NEO1: variants seen among roughly 807,000 people sequenced by gnomAD.
The protein encoded by NEO1 is neogenin 1, also known as neogenin.
In NEO1, 63 loss-of-function variants were observed where a neutral mutation model predicts 159.7. The ratio of observed to expected loss-of-function variants is 0.39; its 90% confidence interval spans 0.32 to 0.49. The LOEUF is 0.49. Among genes scored for constraint, NEO1 ranks in the 20% least tolerant of loss-of-function variants. NEO1 has a pLI of 0.85. For missense variants in NEO1, 1,615 were observed against 1,831.0 expected (o/e 0.88, Z 2.15); for synonymous variants, 633 against 662.0 (o/e 0.96, Z 0.67).
chr15:73,242,708 A>G (rs1443839261), intron 8 of NEO1, among the ~76,000 whole-genome samples: 1 of 152,168 alleles, frequency 6.6e-6, no homozygotes, highest in Non-Finnish European at 1.5e-5. Context: ...GAAACTATTT[A>G]TTGTACATTA....
chr15:73,269,719 C>T (rs1054239325), intron 16 of NEO1, among the ~76,000 whole-genome samples: 7 of 152,016 alleles, frequency 4.6e-5, no homozygotes, highest in African/African-American at 1.2e-4. Context: ...AATTCAAGCA[C>T]GAATACATTA....
chr15:73,213,737 A>G (rs996178029), intron 7 of NEO1, among the ~76,000 whole-genome samples: 1 of 152,120 alleles, frequency 6.6e-6, no homozygotes, highest in African/African-American at 2.4e-5. Context: ...CGTGCACATG[A>G]AAGTATCTTT....
At chr15:73,068,618 A>G (rs1019124496) in intron 1 of NEO1, among the ~76,000 whole-genome samples, 2 of 151,982 alleles carry the variant, frequency 1.3e-5, no homozygotes, top group Admixed American at 1.3e-4. Context: ...GCTTGTCGCT[A>G]TTCTGTGATT....
At chr15:73,283,829 T>C (rs1175701326) in intron 23 of NEO1, among the ~76,000 whole-genome samples, 1 of 152,186 alleles carries the variant, frequency 6.6e-6, no homozygotes, top group African/African-American at 2.4e-5. Context: ...GCCAGCCCAG[T>C]TGGAAGAAGA....
chr15:73,144,050 A>ATGATT (rs10564898), intron 5 of NEO1, among the ~76,000 whole-genome samples: 1 of 151,414 alleles, frequency 6.6e-6, no homozygotes, highest in Non-Finnish European at 1.5e-5. Flanking sequence ...TGGCACCAGA[A>ATGATT]TGATTTGATT....
chr15:73,156,120 T>A (rs2033753622), intron 5 of NEO1, among the ~76,000 whole-genome samples: 1 of 152,224 alleles, frequency 6.6e-6, no homozygotes, highest in Non-Finnish European at 1.5e-5. Flanking sequence ...GTGGGGAGAC[T>A]TTTTATTGAA....
intron 8 of NEO1, among the ~76,000 whole-genome samples, chr15:73,240,222 G>A (rs970258683): frequency 6.6e-6 from 1 of 152,144 alleles, no homozygotes; most frequent in Admixed American, 6.5e-5. Context: ...TTAACTGTGT[G>A]TACTTTTATA....
chr15:73,122,107 T>C (rs2071699891), intron 2 of NEO1, among the ~76,000 whole-genome samples: 1 of 72,332 alleles, frequency 1.4e-5, no homozygotes, highest in East Asian at 2.3e-4. Flanking sequence ...ACATTATATA[T>C]ATTATATATA....
chr15:73,154,598 C>A (rs985756495), intron 5 of NEO1, among the ~76,000 whole-genome samples: 2 of 152,150 alleles, frequency 1.3e-5, no homozygotes, highest in African/African-American at 4.8e-5. Context: ...TGAAGCATGT[C>A]TTCTGTGCCT....
At chr15:73,111,874 A>G (rs559969089) in intron 1 of NEO1, among the ~76,000 whole-genome samples, 6 of 152,222 alleles carry the variant, frequency 3.9e-5, no homozygotes, top group East Asian at 1.9e-4. Flanking sequence ...GGCTCAAGCA[A>G]TCCGCCTGCC....
chr15:73,122,823 G>A (rs1216360729), intron 3 of NEO1, 23 bp downstream of exon 3: 2 of 1,611,108 alleles, frequency 1.2e-6, no homozygotes, highest in Admixed American at 1.7e-5. Flanking sequence ...TATCAGGACT[G>A]ATGGTTTTAT....
chr15:73,265,197 A>G lies in NEO1; in HGVS notation c.2399-1119A>G, dbSNP rs534682873. On this transcript the variant is annotated intron_variant, in intron 15 of 28. Coordinates refer to ENST00000261908, the MANE Select transcript of NEO1 (RefSeq NM_002499.4). ...TGGGAGAAGACAAGTAGTAGATTCA[A>G]CAAAACTTGATTGTTTGTCTGGAGG... Among the ~76,000 whole-genome samples the G allele has an allele frequency of 4.6e-5, 7 of 152,342 alleles. No homozygotes were observed. The East Asian group carries it at 7.7e-4, about 17-fold the overall frequency.
At chr15:73,203,269 T>C (rs897350952) in intron 7 of NEO1, among the ~76,000 whole-genome samples, 1 of 152,154 alleles carries the variant, frequency 6.6e-6, no homozygotes, top group Non-Finnish European at 1.5e-5. Flanking sequence ...CCAAAACTTA[T>C]TACTTTCATT....
At chr15:73,171,936 C>T (rs991489500) in intron 5 of NEO1, among the ~76,000 whole-genome samples, 3 of 151,954 alleles carry the variant, frequency 2.0e-5, no homozygotes, top group African/African-American at 4.8e-5. Context: ...CCACCATGCC[C>T]GGCCAATAAA....
intron 1 of NEO1, among the ~76,000 whole-genome samples, chr15:73,102,359 C>G (rs1032124289): frequency 1.3e-5 from 2 of 152,002 alleles, no homozygotes; most frequent in South Asian, 2.1e-4. Context: ...GAGCAAGATT[C>G]CGTCTCAAAA....
intron 16 of NEO1, among the ~76,000 whole-genome samples, chr15:73,267,909 G>T (rs2040988402): frequency 6.6e-6 from 1 of 152,060 alleles, no homozygotes; most frequent in Non-Finnish European, 1.5e-5. Flanking sequence ...CAAAAATTTT[G>T]ATTCTTTATT....
chr15:73,125,584 C>T (rs2030090854), intron 3 of NEO1, among the ~76,000 whole-genome samples: 1 of 152,190 alleles, frequency 6.6e-6, no homozygotes, highest in African/African-American at 2.4e-5. Flanking sequence ...ACAAGAGTCA[C>T]ATCTCTTCTG....
chr15:73,154,843 A>G (rs1027437484), intron 5 of NEO1, among the ~76,000 whole-genome samples: 1 of 152,194 alleles, frequency 6.6e-6, no homozygotes, highest in East Asian at 1.9e-4. Flanking sequence ...ATTTACGTTC[A>G]GCATTAACAT....
intron 26 of NEO1, among the ~76,000 whole-genome samples, chr15:73,293,787 C>T (rs911066502): frequency 3.3e-5 from 5 of 152,222 alleles, no homozygotes; most frequent in African/African-American, 1.2e-4. Flanking sequence ...TCTCTAATCA[C>T]ATAAGCATCC....
Sources: allele counts gnomAD v4.1 joint callset (sites outside exome capture counted in the v4.1 genomes callset), GRCh38; gene constraint gnomAD v4.1.1; transcripts MANE v1.5; gene names NCBI Gene and HGNC (gene_info 2026-07-23, HGNC 2026-07-21).